The following PURG variants were observed in gnomAD, a reference collection of about 807,000 sequenced individuals.
PURG encodes the protein purine-rich element-binding protein gamma.
A neutral mutation model predicts 24.3 loss-of-function variants in PURG; 3 were observed. The ratio of observed to expected loss-of-function variants is 0.12; its 90% CI spans 0.06 to 0.32. The LOEUF (loss-of-function observed/expected upper bound fraction) is 0.32, where lower values mean the gene tolerates loss of function less well. PURG is among the 10% of genes least tolerant of loss of function. The pLI is 1.00. For missense variants in PURG, 371 were observed against 439.1 expected, an observed-to-expected ratio of 0.84 and a Z score of 1.39; for synonymous variants, 180 against 173.1, an observed-to-expected ratio of 1.04 and a Z score of -0.31.
chr8:31,031,677 T>C lies in PURG; in HGVS notation c.*62A>G. 6.9e-7 allele frequency: 1 copy of C among 1,439,044 alleles called. No individual in the cohort carries two copies. The highest frequency in any genetic ancestry group is 9.2e-7 in the Non-Finnish European group (1 of 1,081,586). 89.1% of individuals were successfully genotyped at this position (1,439,044 alleles called of 1,614,324 possible). ...GAGGAAAAACTTCTTCAAAGGATAA[T>C]GGATCAGTACTTTTAGCCAATTTGT... On this transcript the variant is annotated 3_prime_UTR_variant, in exon 2 of 2. Coordinates refer to ENST00000523392, the MANE Select transcript of PURG (RefSeq NM_001323311.2).
chr8:30,998,978 A>G (rs2129765818), intron 1 of PURG, among the ~76,000 whole-genome samples: 1 of 152,012 alleles, frequency 6.6e-6, no homozygotes, highest in Admixed American at 6.6e-5. Context: ...TTAAACATTT[A>G]TATTTATTTT....
At chr8:31,026,542 TA>T (rs949592164), downstream of PURG, among the ~76,000 whole-genome samples, 37 of 149,676 alleles carry the variant, frequency 2.5e-4, no homozygotes, top group East Asian at 9.7e-4. Context: ...ATATCTAAGT[TA>T]AAAAAAAGTC....
chr8:31,026,659 T>C (rs4460334), downstream of PURG, among the ~76,000 whole-genome samples: 242 of 143,696 alleles, frequency 1.7e-3, no homozygotes, highest in East Asian at 6.3e-3. Context: ...TATATATATA[T>C]ATACATACAC....
chr8:31,001,818 G>T lies in PURG; in HGVS notation c.865-5121C>A, dbSNP rs147926161. On this transcript the variant is annotated intron_variant, in intron 1 of 1. Coordinates refer to the PURG transcript ENST00000339382. ...TAGGGTAGTATTACTCACTCTTGAA[G>T]TGGTACTCTTGAATCGGGTAGTATT... 4.6e-5 allele frequency among the ~76,000 whole-genome samples: 7 copies of T among 152,240 alleles called. No individual in the cohort carries two copies. In the East Asian group the frequency reaches 1.4e-3, roughly 29 times the overall value.
At chr8:31,013,223 A>G (rs2129803011) in intron 1 of PURG, among the ~76,000 whole-genome samples, 1 of 152,326 alleles carries the variant, frequency 6.6e-6, no homozygotes, top group Non-Finnish European at 1.5e-5. Flanking sequence ...GTGATCAACA[A>G]ACCAAATCAC....
In PURG at chr8:31,033,319, C is replaced by G. The variant is rs1469398914; in HGVS notation, c.-248G>C. The stretch of plus-strand genomic sequence containing the variant: ...GCCGCCTGACTTCGGACACCGGCCC[C>G]GCACCCGCCAGGAGGGGAGGGAAGG... On this transcript the variant is annotated 5_prime_UTR_variant, in exon 1 of 2. Transcript: ENST00000523392. The G allele has an allele frequency of 6.3e-6, 1 of 159,158 alleles. No homozygotes were observed. Among genetic ancestry groups the G allele is most frequent in the East Asian group, 1.9e-4 (1 of 5,360 alleles). 9.9% of individuals were successfully genotyped at this position (159,158 alleles called of 1,614,324 possible).
At chr8:31,010,536 G>C (rs920053273) in intron 1 of PURG, among the ~76,000 whole-genome samples, 6 of 152,156 alleles carry the variant, frequency 3.9e-5, no homozygotes, top group African/African-American at 1.4e-4. Flanking sequence ...CTTTAAATGA[G>C]CTATAAACAT....
chr8:31,009,458 A>G (rs984766773), intron 1 of PURG, among the ~76,000 whole-genome samples: 1 of 151,962 alleles, frequency 6.6e-6, no homozygotes, highest in East Asian at 1.9e-4. Flanking sequence ...AACAACAAAA[A>G]CCACCAGAAT....
intron 1 of PURG, among the ~76,000 whole-genome samples, chr8:31,013,957 G>C (rs551943835): frequency 1.5e-4 from 23 of 152,250 alleles, no homozygotes; most frequent in South Asian, 4.1e-4. Context: ...GAACATTACT[G>C]AATCAGCTGC....
At chr8:31,017,812 T>G (rs1810906120) in intron 1 of PURG, among the ~76,000 whole-genome samples, 1 of 152,206 alleles carries the variant, frequency 6.6e-6, no homozygotes, top group African/African-American at 2.4e-5. Context: ...TCCACCTTAA[T>G]TAGCAGTGCA....
chr8:30,996,320 A>G, exon 2 of PURG: 1 of 249,306 alleles, frequency 4.0e-6, no homozygotes. Context: ...ATGTCTCTCT[A>G]CCTCAAGGCT....
intron 1 of PURG, among the ~76,000 whole-genome samples, chr8:31,017,246 C>T (rs138953582): frequency 7.2e-5 from 11 of 151,978 alleles, no homozygotes; most frequent in African/African-American, 2.2e-4. Flanking sequence ...CAAATACAAG[C>T]GAGATGAAAC....
At chr8:31,001,834 G>A (rs963914554) in intron 1 of PURG, among the ~76,000 whole-genome samples, 1 of 151,984 alleles carries the variant, frequency 6.6e-6, no homozygotes, top group South Asian at 2.1e-4. Context: ...CTCTTGAATC[G>A]GGTAGTATTA....
chr8:31,002,116 GAAAAGGCAGTTATACATATATAC>G (rs2129773839), intron 1 of PURG, among the ~76,000 whole-genome samples: 1 of 152,322 alleles, frequency 6.6e-6, no homozygotes, highest in South Asian at 2.1e-4. Context: ...CAGAGGGAAT[GAAAAGGCAGTTATACATATATAC>G]AAAGGGGATC....
At position 31,032,865 on chromosome 8, in the gene PURG, A is replaced by T. The variant is rs866887549; in HGVS notation, c.-6-77T>A. On this transcript the variant is annotated intron_variant, in intron 1 of 1. Coordinates refer to ENST00000523392, the MANE Select transcript of PURG (RefSeq NM_001323311.2). This position sits in a 1 kb window ranked among gnomAD's most constrained non-coding sequence, Gnocchi z 5.9. ...ACAATCGCAGACGCCCCTCGGCCTGACCGCCCCGCCGCCGCCCGCGACCCC... is the reference window on the plus strand; with the variant it reads ...ACAATCGCAGACGCCCCTCGGCCTGTCCGCCCCGCCGCCGCCCGCGACCCC... 7.9e-6 allele frequency: 9 copies of T among 1,136,920 alleles called. No individual in the cohort carries two copies. Among genetic ancestry groups the T allele is most frequent in the Middle Eastern group, 6.5e-4 (2 of 3,060 alleles). The allele number at this position is 1,136,920 out of a possible 1,614,324, so 70.4% of individuals were successfully genotyped here.
intron 1 of PURG, among the ~76,000 whole-genome samples, chr8:31,001,454 G>A (rs1231938548): frequency 1.3e-5 from 2 of 152,152 alleles, no homozygotes; most frequent in African/African-American, 4.8e-5. Flanking sequence ...CAGTGGTTCA[G>A]GTGCACAGGT....
At chr8:31,015,854 C>T (rs1336814552) in intron 1 of PURG, among the ~76,000 whole-genome samples, 1 of 151,890 alleles carries the variant, frequency 6.6e-6, no homozygotes, top group Non-Finnish European at 1.5e-5. Flanking sequence ...ACTTTAACAC[C>T]AGCTGGGTCA....
downstream of PURG, among the ~76,000 whole-genome samples, chr8:31,029,072 T>TA (rs1811141342): frequency 6.6e-6 from 1 of 151,860 alleles, no homozygotes; most frequent in Non-Finnish European, 1.5e-5. Flanking sequence ...CAGATAAGAA[T>TA]AGTAGCTTAT....
intron 1 of PURG, among the ~76,000 whole-genome samples, chr8:31,008,155 T>C (rs1184517224): frequency 2.0e-5 from 3 of 152,220 alleles, no homozygotes; most frequent in Non-Finnish European, 4.4e-5. Context: ...GAGGCTCCCT[T>C]TGAACTTTGC....
Sources: allele counts gnomAD v4.1 joint callset (sites outside exome capture counted in the v4.1 genomes callset), GRCh38; gene constraint gnomAD v4.1.1; non-coding constraint Gnocchi (gnomAD v3.1); transcripts MANE v1.5; gene names NCBI Gene and HGNC (gene_info 2026-07-23, HGNC 2026-07-21).